BORCS5: variants seen among roughly 807,000 people sequenced by gnomAD.
BORCS5 encodes BLOC-1 related complex subunit 5.
In BORCS5, 17 loss-of-function variants were observed where a neutral mutation model predicts 22.1. The observed-to-expected ratio is 0.77, with a 90% CI of 0.53 to 1.15. BORCS5 has a LOEUF of 1.15. BORCS5 is among the 50% of genes most tolerant of loss of function. The probability of loss-of-function intolerance (pLI) is 0.00; values close to 1 mark genes in which losing one functional copy is unlikely to be tolerated. For missense variants in BORCS5, 247 were observed against 253.2 expected (o/e 0.98, Z 0.17); for synonymous variants, 117 against 99.8 (o/e 1.17, Z -1.03).
intron 2 of BORCS5, among the ~76,000 whole-genome samples, chr12:12,427,010 G>A (rs1273372160): frequency 6.6e-6 from 1 of 151,980 alleles, no homozygotes; most frequent in East Asian, 1.9e-4. Context: ...GCCCCCTCGA[G>A]GTTAGCACTC....
chr12:12,452,492 C>T (rs1356361757), intron 3 of BORCS5: 11 of 458,560 alleles, frequency 2.4e-5, no homozygotes, highest in Admixed American at 1.2e-4. Flanking sequence ...GTGGCTGGGT[C>T]GGGCCCACCG....
chr12:12,446,395 C>G (rs1942791991), intron 3 of BORCS5, among the ~76,000 whole-genome samples: 1 of 152,276 alleles, frequency 6.6e-6, no homozygotes, highest in South Asian at 2.1e-4. Context: ...GGAGACTCTT[C>G]TTTATAACTC....
At chr12:12,439,051 G>T (rs533795821) in intron 3 of BORCS5, among the ~76,000 whole-genome samples, 2 of 152,308 alleles carry the variant, frequency 1.3e-5, no homozygotes, top group African/African-American at 4.8e-5. Flanking sequence ...AATTTTACCA[G>T]TAATTCCACG....
intron 3 of BORCS5, among the ~76,000 whole-genome samples, chr12:12,451,483 C>T (rs1009989046): frequency 6.7e-6 from 1 of 148,870 alleles, no homozygotes; most frequent in African/African-American, 2.4e-5. Context: ...ACTGTAGTAG[C>T]CAATACATAG....
chr12:12,465,434 TG>T, intron 3 of BORCS5, 111 bp from the exon 4 acceptor site: 2 of 921,566 alleles, frequency 2.2e-6, no homozygotes, highest in Non-Finnish European at 3.4e-6. Context: ...CTGTAAAACT[TG>T]TCAGCTTCCA....
chr12:12,396,694 C>T (rs1232024313), intron 2 of BORCS5, among the ~76,000 whole-genome samples: 1 of 152,042 alleles, frequency 6.6e-6, no homozygotes, highest in Non-Finnish European at 1.5e-5. Context: ...AACAGTTCAT[C>T]CTTCTGGGTC....
chr12:12,431,775 C>A (rs1342860234), intron 2 of BORCS5, among the ~76,000 whole-genome samples: 1 of 150,160 alleles, frequency 6.7e-6, no homozygotes, highest in African/African-American at 2.5e-5. Flanking sequence ...CTCACTTCAG[C>A]CTTTGCCTCC....
intron 3 of BORCS5, among the ~76,000 whole-genome samples, chr12:12,440,447 T>C (rs958424393): frequency 6.6e-6 from 1 of 152,110 alleles, no homozygotes; most frequent in South Asian, 2.1e-4. Context: ...CCTTGCTCTT[T>C]GAGAGTTTAG....
intron 2 of BORCS5, among the ~76,000 whole-genome samples, chr12:12,410,034 A>C (rs1325592432): frequency 6.6e-6 from 1 of 152,078 alleles, no homozygotes; most frequent in Non-Finnish European, 1.5e-5. Context: ...TCTTCTTTTG[A>C]GAAGTGTCTG....
At chr12:12,357,794 T>C (rs1275731508) in intron 1 of BORCS5, among the ~76,000 whole-genome samples, 1 of 152,178 alleles carries the variant, frequency 6.6e-6, no homozygotes, top group Non-Finnish European at 1.5e-5. Flanking sequence ...AGCTAATTAA[T>C]TTTTGGCTCT....
chr12:12,394,718 CTTAAAGTGTAGGATTTTACAAGCAT>C (rs1941288840), intron 2 of BORCS5, among the ~76,000 whole-genome samples: 1 of 151,862 alleles, frequency 6.6e-6, no homozygotes, highest in African/African-American at 2.4e-5. Flanking sequence ...TCATGGTTGA[CTTAAAGTGTAGGATTTTACAAGCAT>C]AGTGTTCATT....
intron 2 of BORCS5, among the ~76,000 whole-genome samples, chr12:12,415,197 C>T (rs1455197568): frequency 1.3e-5 from 2 of 151,530 alleles, no homozygotes; most frequent in Admixed American, 1.3e-4. Flanking sequence ...CCAAGGCAGG[C>T]GGCTGGGAGG....
At chr12:12,410,782 A>G (rs1344493639) in intron 2 of BORCS5, among the ~76,000 whole-genome samples, 2 of 152,154 alleles carry the variant, frequency 1.3e-5, no homozygotes, top group Non-Finnish European at 2.9e-5. Context: ...TGGTAGCTTG[A>G]TGGGGATGGC....
chr12:12,373,867 T>C (rs1863583880), intron 2 of BORCS5, among the ~76,000 whole-genome samples: 1 of 152,172 alleles, frequency 6.6e-6, no homozygotes, highest in African/African-American at 2.4e-5. Flanking sequence ...GAGATAATTA[T>C]TAATTTGGCC....
intron 2 of BORCS5, among the ~76,000 whole-genome samples, chr12:12,400,545 T>G (rs969957590): frequency 1.3e-5 from 2 of 150,534 alleles, no homozygotes; most frequent in African/African-American, 4.9e-5. Context: ...GATTATCAGC[T>G]GCTACCTAGA....
At chr12:12,434,068 G>A (rs1366688795) in intron 2 of BORCS5, among the ~76,000 whole-genome samples, 1 of 151,834 alleles carries the variant, frequency 6.6e-6, no homozygotes, top group Non-Finnish European at 1.5e-5. Context: ...CGGGAGGATC[G>A]CTTGAGCCCA....
chr12:12,359,672 A>G (rs1457695557), intron 1 of BORCS5, among the ~76,000 whole-genome samples: 1 of 39,954 alleles, frequency 2.5e-5, no homozygotes, highest in African/African-American at 4.4e-5. Context: ...GCCTTGACTT[A>G]AAAAAAAAAA....
At chr12:12,436,402 ACTTC>A (rs915790726) in intron 3 of BORCS5, among the ~76,000 whole-genome samples, 13 of 152,386 alleles carry the variant, frequency 8.5e-5, no homozygotes, top group African/African-American at 3.1e-4. Flanking sequence ...GTAAATAGGT[ACTTC>A]CTTTAAGCAC....
chr12:12,455,392 T>A (rs1273479676), intron 3 of BORCS5, among the ~76,000 whole-genome samples: 2 of 152,166 alleles, frequency 1.3e-5, no homozygotes, highest in African/African-American at 4.8e-5. Context: ...TGAGATCAAA[T>A]AAAAATTGAC....
Sources: gnomAD v4.1 joint callset for allele counts (sites outside exome capture counted in the v4.1 genomes callset) on GRCh38, gnomAD v4.1.1 for gene constraint, MANE v1.5 for transcripts, NCBI Gene and HGNC (gene_info 2026-07-23, HGNC 2026-07-21) for gene names.